Variants in PIEZO1 observed in about 807,000 individuals in gnomAD.
PIEZO1 encodes the protein piezo-type mechanosensitive ion channel component 1.
Under a neutral mutation model 297.2 loss-of-function variants are expected in PIEZO1, and 296 were observed. That is an observed-to-expected ratio of 1.00 (90% CI 0.91 to 1.10). The LOEUF (loss-of-function observed/expected upper bound fraction) is 1.10. Among genes scored for constraint, PIEZO1 ranks in the 50% least tolerant of loss-of-function variants. The pLI is 0.00. For missense variants in PIEZO1, 5,018 were observed against 3,455.5 expected (o/e 1.45, Z -11.34); for synonymous variants, 2,427 against 1,507.5 (o/e 1.61, Z -14.13).
At chr16:88,782,826 G>C (rs191071810) in intron 1 of PIEZO1, among the ~76,000 whole-genome samples, 1 of 142,366 alleles carries the variant, frequency 7.0e-6, no homozygotes, top group African/African-American at 2.6e-5. Context: ...CAGAGAGCCT[G>C]ACTCAGGAGT....
chr16:88,747,256 G>A (rs1042412325), intron 2 of PIEZO1, among the ~76,000 whole-genome samples: 3 of 148,588 alleles, frequency 2.0e-5, no homozygotes, highest in African/African-American at 5.0e-5. Flanking sequence ...AGCCAAGCAC[G>A]GTAGCTCATG....
At chr16:88,761,018 GGA>G in intron 1 of PIEZO1, among the ~76,000 whole-genome samples, 1 of 152,332 alleles carries the variant, frequency 6.6e-6, no homozygotes, top group African/African-American at 2.4e-5. Context: ...CTGCTGGCGT[GGA>G]GAGTCAGGAC....
rs1452722714 is a variant in PIEZO1 at position 88,716,226 on chromosome 16, T to C, written c.7101A>G (p.Glu2367=). ...PKYIRAPNGP[E]ANPVKQLQPN... ...GCTGCAGCTGCTTCACAGGGTTGGCTTCGGGCCCGTTGGGGGCACGGATGT... is the reference window on the plus strand; with the variant it reads ...GCTGCAGCTGCTTCACAGGGTTGGCCTCGGGCCCGTTGGGGGCACGGATGT... Residue 2367 remains glutamate, a synonymous_variant, in exon 49 of 51, where the codon GAA becomes GAG. Coordinates refer to ENST00000301015, the MANE Select transcript of PIEZO1 (RefSeq NM_001142864.4). 10 of 1,496,908 alleles carry C rather than the reference T, an allele frequency of 6.7e-6. No homozygotes were observed. The highest frequency in any genetic ancestry group is 2.7e-5 in the South Asian group (2 of 75,320). The allele number at this position is 1,496,908 out of a possible 1,614,324, so 92.7% of individuals were successfully genotyped here.
intron 1 of PIEZO1, among the ~76,000 whole-genome samples, chr16:88,770,550 G>A (rs908481326): frequency 3.3e-5 from 5 of 152,232 alleles, no homozygotes; most frequent in African/African-American, 4.8e-5. Flanking sequence ...AGAGGTGGCC[G>A]TTAGTGCGGG....
Position 88,722,286 on chromosome 16 carries a change from C to A in PIEZO1, c.4887G>T (p.Gly1629=). The A allele has an allele frequency of 6.5e-7, 1 of 1,548,636 alleles. No individual in the cohort carries two copies. The change falls in exon 36 of 51, where the codon GGG becomes GGT. Residue 1629 remains glycine, a synonymous_variant. Coordinates refer to ENST00000301015, the MANE Select transcript of PIEZO1 (RefSeq NM_001142864.4). The stretch of plus-strand genomic sequence containing the variant: ...ACAGAGAGGCACCAGCCTCACGCTC[C>A]CCGGGGTCGGTGACTGCCTCCTCAC... The part of the protein sequence containing the change: ...SGSEEAVTDP[G]EREAGASLYQ...
chr16:88,753,872 C>A (rs945880255), intron 1 of PIEZO1, among the ~76,000 whole-genome samples: 1 of 152,174 alleles, frequency 6.6e-6, no homozygotes, highest in Non-Finnish European at 1.5e-5. Context: ...TCGGAAGCTT[C>A]GCAGATCAGG....
intron 13 of PIEZO1, 32 bp from the exon 14 acceptor site, chr16:88,735,085 T>A (rs1018491384): frequency 6.5e-7 from 1 of 1,549,898 alleles, no homozygotes; most frequent in Non-Finnish European, 8.7e-7. Flanking sequence ...GGCGATGGCA[T>A]CAGGGCGGGC....
At chr16:88,716,928 G>T in intron 45 of PIEZO1, 30 bp from the exon 46 acceptor site, 1 of 1,547,830 alleles carries the variant, frequency 6.5e-7, no homozygotes, top group Non-Finnish European at 8.7e-7. Flanking sequence ...ACGGGGCCAC[G>T]AAGATGAGCG....
At position 88,747,231 on chromosome 16, in the gene PIEZO1, G is replaced by GGA. The variant is rs60202339; in HGVS notation, c.160+2152_160+2153insTC. On this transcript the variant is annotated intron_variant, in intron 2 of 50. Transcript: ENST00000301015. ...GGGCAACCAAGCAAGACCCCCACTCGAAAAAAAAAAAAAAAGCCAAGCACG... is the reference window on the plus strand; with the variant it reads ...GGGCAACCAAGCAAGACCCCCACTCGGAAAAAAAAAAAAAAAAGCCAAGCACG... 1.5e-3 allele frequency among the ~76,000 whole-genome samples: 185 copies of GGA among 121,610 alleles called. 1 individual carries two copies. The highest frequency in any genetic ancestry group is 5.1e-3 in the African/African-American group (167 of 32,910). 79.8% of individuals were successfully genotyped at this position (121,610 alleles called of 152,430 possible).
chr16:88,747,950 CCA>C (rs1166353360), intron 2 of PIEZO1, among the ~76,000 whole-genome samples: 3 of 152,198 alleles, frequency 2.0e-5, no homozygotes, highest in Non-Finnish European at 4.4e-5. Context: ...CAGATCCTCC[CCA>C]GAGTCCCCTG....
intron 2 of PIEZO1, among the ~76,000 whole-genome samples, chr16:88,747,145 C>T (rs577116948): frequency 4.6e-5 from 7 of 151,778 alleles, no homozygotes; most frequent in Non-Finnish European, 8.8e-5. Flanking sequence ...GCAGGAGGAT[C>T]GCTTGAGCCC....
At chr16:88,722,507 G>C (rs1904287179) in intron 35 of PIEZO1, 76 bp downstream of exon 35, 3 of 1,427,412 alleles carry the variant, frequency 2.1e-6, no homozygotes, top group Admixed American at 4.9e-5. Context: ...CAAGGGAATG[G>C]CGAGGGTCGG....
intron 1 of PIEZO1, 103 bp from the exon 2 acceptor site, chr16:88,749,582 T>C: frequency 1.1e-6 from 1 of 877,150 alleles, no homozygotes; most frequent in Non-Finnish European, 1.7e-6. Flanking sequence ...GCCGAGGCCG[T>C]GTGCCCTGTG....
At chr16:88,724,075 C>A in intron 30 of PIEZO1, 104 bp from the exon 31 acceptor site, 1 of 694,898 alleles carries the variant, frequency 1.4e-6, no homozygotes, top group Non-Finnish European at 2.5e-6. Flanking sequence ...CCTTCCCATG[C>A]GGAGTAGCCG....
rs1904707432 is a variant in PIEZO1 at position 88,730,207 on chromosome 16, C to T, written c.3196+1499G>A. ...ACCCCGGGCTCTAAACCTCACGCTC[C>T]TAGAACTCGATTGGGCTCCCTGGAG... On this transcript the variant is annotated intron_variant, in intron 22 of 50. Transcript: ENST00000301015. 2.0e-5 allele frequency among the ~76,000 whole-genome samples: 3 copies of T among 152,266 alleles called. No homozygotes were observed. In the South Asian group the frequency reaches 6.2e-4, roughly 31 times the overall value.
At chr16:88,783,282 T>C (rs1908018368) in intron 1 of PIEZO1, among the ~76,000 whole-genome samples, 1 of 152,192 alleles carries the variant, frequency 6.6e-6, no homozygotes, top group African/African-American at 2.4e-5. Context: ...GCTCAACACC[T>C]GTTTAGGTAC....
chr16:88,722,628 A>G lies in PIEZO1; in HGVS notation c.4730T>C (p.Leu1577Pro). 1 of 1,538,454 alleles carries G rather than the reference A, an allele frequency of 6.5e-7. No individual in the cohort carries two copies. ...QLYTSQAEAT[L>P]PGPTEAPNAP... is the part of the protein sequence containing the mutation. ...ATTGGGGGCCTCGGTGGGGCCTGGCAGCGTGGCCTCGGCCTGGCTTGTGTA... is the reference window on the plus strand; with the variant it reads ...ATTGGGGGCCTCGGTGGGGCCTGGCGGCGTGGCCTCGGCCTGGCTTGTGTA... The change falls in exon 35 of 51, where the codon CTG becomes CCG. Residue 1577 changes from leucine (L) to proline (P), a missense_variant. Transcript: ENST00000301015.
In PIEZO1 at chr16:88,734,790, G is replaced by A. The variant is rs963133731; in HGVS notation, c.1857C>T (p.Tyr619=). Residue 619 remains tyrosine (Y), a synonymous_variant, in exon 15 of 51, where the codon TAC becomes TAT. Transcript: ENST00000301015. ...CCTTGAGCAGCTTCCGCCACAGGCT[G>A]TAGTAGACCTGCCGGGTGAGGTGGG... is the stretch of plus-strand genomic sequence containing the variant. ...LLCLTLFQVY[Y]SLWRKLLKAF... 9.7e-6 allele frequency: 15 copies of A among 1,550,338 alleles called. No individual in the cohort carries two copies. Among genetic ancestry groups the A allele is most frequent in the Non-Finnish European group, 1.3e-5 (15 of 1,146,926 alleles).
intron 22 of PIEZO1, among the ~76,000 whole-genome samples, chr16:88,728,289 G>A (rs914155859): frequency 1.3e-5 from 2 of 152,286 alleles, no homozygotes; most frequent in Non-Finnish European, 2.9e-5. Context: ...GTGAGGCAGG[G>A]AGGGTCGGTC....
Sources: allele counts gnomAD v4.1 joint callset (sites outside exome capture counted in the v4.1 genomes callset), GRCh38; gene constraint gnomAD v4.1.1; transcripts MANE v1.5; gene names NCBI Gene and HGNC (gene_info 2026-07-23, HGNC 2026-07-21).